The following TRPM2 variants were observed in gnomAD, a reference collection of about 807,000 sequenced individuals.
TRPM2 encodes the protein estrogen-responsive element-associated gene 1 protein.
Under a neutral mutation model 174.0 loss-of-function variants are expected in TRPM2, and 161 were observed. That is an observed-to-expected ratio of 0.93 (90% CI 0.81 to 1.05). The LOEUF (loss-of-function observed/expected upper bound fraction) is 1.05. Ranked by LOEUF, TRPM2 falls within the 50% of genes least tolerant of loss-of-function variation. TRPM2 has a pLI of 0.00. For synonymous variants in TRPM2, 954 were observed against 861.3 expected (o/e 1.11, Z -1.88); for missense variants, 2,057 against 2,038.0 (o/e 1.01, Z -0.18).
Position 44,406,630 on chromosome 21 carries a change from G to C in TRPM2, c.2827G>C (p.Val943Leu). ...DVFFFLFLLAVWVVSFGVAKQ... is the reference protein window; with the variant it reads ...DVFFFLFLLALWVVSFGVAKQ... ...CTTCTTCTTCCTCTTCCTGCTGGCT[G>C]TGTGGGTGGTGTCCTTCGGGGTGGC... The change falls in exon 19 of 32, where the codon GTG becomes CTG. Residue 943 changes from valine (V) to leucine (L), a missense_variant. Transcript: ENST00000397928. 6.2e-7 allele frequency: 1 copy of C among 1,610,910 alleles called. No individual in the cohort carries two copies. The highest frequency in any genetic ancestry group is 1.1e-5 in the South Asian group (1 of 91,018).
chr21:44,388,760 G>A (rs1207720924), intron 9 of TRPM2, among the ~76,000 whole-genome samples: 2 of 151,910 alleles, frequency 1.3e-5, no homozygotes, highest in South Asian at 2.1e-4. Flanking sequence ...CGTTGAGGCT[G>A]CAATAAGCCT....
intron 19 of TRPM2, among the ~76,000 whole-genome samples, chr21:44,408,144 A>G (rs778773867): frequency 7.9e-5 from 12 of 151,780 alleles, no homozygotes; most frequent in Non-Finnish European, 4.4e-5. Context: ...ATGGGGTTTC[A>G]CCATGTTGGA....
chr21:44,435,043 C>T (rs561934058), intron 27 of TRPM2, 88 bp from the exon 28 acceptor site: 2 of 1,358,780 alleles, frequency 1.5e-6, no homozygotes, highest in South Asian at 2.5e-5. Context: ...GCTCCTGACG[C>T]CCGCTGTCCC....
chr21:44,416,995 C>T (rs1474872322), intron 20 of TRPM2, among the ~76,000 whole-genome samples: 25 of 100,088 alleles, frequency 2.5e-4, no homozygotes, highest in Middle Eastern at 0.011. Flanking sequence ...ACAGTGTGCA[C>T]GTGGGCATGG....
At chr21:44,382,897 A>T (rs544398918) in intron 9 of TRPM2, 77 bp downstream of exon 9, 1 of 1,367,776 alleles carries the variant, frequency 7.3e-7, no homozygotes, top group Non-Finnish European at 1.0e-6. Flanking sequence ...TCTAGTCTTG[A>T]AGTGCCATGA....
Position 44,366,855 on chromosome 21 carries a change from G to C in TRPM2, c.525G>C (p.Gly175=). The C allele has an allele frequency of 1.9e-6, 3 of 1,613,756 alleles. No individual in the cohort carries two copies. The highest frequency in any genetic ancestry group is 1.3e-5 in the African/African-American group (1 of 75,004). Residue 175 remains glycine (G), a synonymous_variant, in exon 4 of 32, where the codon GGG becomes GGC. Transcript: ENST00000397928. This position sits in a 1 kb window ranked among gnomAD's most constrained non-coding sequence, Gnocchi z 6.0. ...CCAATCTCTTGATCTCGGTGACCGG[G>C]GGGGCCAAGAACTTCAACATGAAGC... is the stretch of plus-strand genomic sequence containing the variant. ...DVPNLLISVT[G]GAKNFNMKPR...
chr21:44,407,201 C>G lies in TRPM2; in HGVS notation c.2962+436C>G, dbSNP rs1330612507. On this transcript the variant is annotated intron_variant, in intron 19 of 31. Transcript: ENST00000397928. Reference sequence around the variant, plus strand: ...TTGCTCTGTCACCCAGGCTGGAGTGCAGTGGCACGTCCACCTCCTGCGCTC... The same window carrying G: ...TTGCTCTGTCACCCAGGCTGGAGTGGAGTGGCACGTCCACCTCCTGCGCTC... Among the ~76,000 whole-genome samples, 4 of 24,044 alleles carry G rather than the reference C, an allele frequency of 1.7e-4. No homozygotes were observed. The East Asian group carries it at 4.6e-3, about 28-fold the overall frequency. 15.8% of individuals were successfully genotyped at this position (24,044 alleles called of 152,430 possible).
In TRPM2 at chr21:44,354,829, G is replaced by A; in HGVS notation, c.254+93G>A. 1 of 1,112,604 alleles carries A rather than the reference G, an allele frequency of 9.0e-7. No homozygotes were observed. Among genetic ancestry groups the A allele is most frequent in the Non-Finnish European group, 1.4e-6 (1 of 726,372 alleles). 68.9% of individuals were successfully genotyped at this position (1,112,604 alleles called of 1,614,324 possible). A position where few individuals can be genotyped will look rare whatever the true frequency, so the allele number is the denominator to read the frequency against. On this transcript the variant is annotated intron_variant, in intron 2 of 31. Transcript: ENST00000397928. The surrounding 1 kb of genome is among the most constrained non-coding windows in gnomAD (Gnocchi z 4.3). The stretch of plus-strand genomic sequence containing the variant: ...CAGGCCAAGACCCCTCAGGGCCTCA[G>A]TGAAGGGTCACTGGAGATACCTCTG...
chr21:44,428,292 G>A (rs2050878821), intron 27 of TRPM2, among the ~76,000 whole-genome samples: 1 of 152,134 alleles, frequency 6.6e-6, no homozygotes, highest in African/African-American at 2.4e-5. Context: ...GTGAGGAGGG[G>A]CCTGATTTAT....
rs116870391 is a variant in TRPM2, at chr21:44,386,561, A to G, written c.1318+3741A>G. Among the ~76,000 whole-genome samples, 1,150 of 152,346 alleles carry G rather than the reference A, an allele frequency of 7.5e-3. 6 individuals are homozygous for G. Among genetic ancestry groups the G allele is most frequent in the Non-Finnish European group, 0.011 (739 of 68,040 alleles). ...AAGGGGGTGAAAGACTTGTACAATG[A>G]AAACTGTAAAACATTGCTGAAAGAA... is the stretch of plus-strand genomic sequence containing the variant. On this transcript the variant is annotated intron_variant, in intron 9 of 31. Transcript: ENST00000397928.
intron 16 of TRPM2, 46 bp downstream of exon 16, chr21:44,401,943 C>T: frequency 6.2e-7 from 1 of 1,605,694 alleles, no homozygotes; most frequent in Non-Finnish European, 8.5e-7. Flanking sequence ...GGGCCACCCA[C>T]TTGGCTGCAT....
At chr21:44,394,455 G>A (rs1025076978) in intron 11 of TRPM2, among the ~76,000 whole-genome samples, 15 of 151,866 alleles carry the variant, frequency 9.9e-5, no homozygotes, top group African/African-American at 3.6e-4. Context: ...GAGTAGCTGG[G>A]ACTACAGGTG....
Position 44,424,905 on chromosome 21 carries a change from C to T in TRPM2, c.3603C>T (p.Ser1201=), listed in dbSNP as rs775263334. 1.2e-5 allele frequency: 20 copies of T among 1,607,350 alleles called. No homozygotes were observed. The highest frequency in any genetic ancestry group is 5.0e-5 in the Admixed American group (3 of 59,554). The change falls in exon 24 of 32, where the codon AGC becomes AGT. Residue 1201 remains serine (S), a synonymous_variant. Transcript: ENST00000397928. ...LHWIVRTLRA[S]GFSSEADVPT... The stretch of plus-strand genomic sequence containing the variant: ...GGATCGTGAGGACGCTGCGGGCCAG[C>T]GGCTTCAGCTCGGAGGCGGACGTCC...
intron 2 of TRPM2, among the ~76,000 whole-genome samples, chr21:44,359,529 T>G (rs2048151962): frequency 6.6e-6 from 1 of 151,824 alleles, no homozygotes; most frequent in African/African-American, 2.4e-5. Context: ...GTTTCCTTTC[T>G]CACTGCTCAG....
chr21:44,417,812 G>T (rs1173919353), intron 20 of TRPM2, 115 bp from the exon 21 acceptor site: 21 of 1,069,006 alleles, frequency 2.0e-5, no homozygotes, highest in Non-Finnish European at 2.6e-5. Flanking sequence ...ATCACAGTGG[G>T]CATGTGGGCG....
chr21:44,384,743 T>G (rs1017910266), intron 9 of TRPM2, among the ~76,000 whole-genome samples: 5 of 152,044 alleles, frequency 3.3e-5, no homozygotes, highest in African/African-American at 1.2e-4. Flanking sequence ...CTACCAAGAC[T>G]AAATCATAAA....
chr21:44,370,604 C>T (rs766555900), intron 5 of TRPM2, among the ~76,000 whole-genome samples: 1 of 152,092 alleles, frequency 6.6e-6, no homozygotes, highest in Non-Finnish European at 1.5e-5. Context: ...ACTCCTCTGA[C>T]AGTGACACGG....
intron 15 of TRPM2, among the ~76,000 whole-genome samples, chr21:44,401,349 C>T (rs1407548922): frequency 1.3e-5 from 2 of 152,194 alleles, no homozygotes; most frequent in Admixed American, 6.5e-5. Flanking sequence ...AGCTGGGGCC[C>T]ACCCAAGGCT....
In TRPM2 at chr21:44,375,759, C is replaced by G. The variant is rs987956894; in HGVS notation, c.772-74C>G. The G allele has an allele frequency of 2.7e-6, 4 of 1,492,828 alleles. No homozygotes were observed. The East Asian group carries it at 9.6e-5, about 36-fold the overall frequency. The allele number at this position is 1,492,828 out of a possible 1,614,324, so 92.5% of individuals were successfully genotyped here. A position where few individuals can be genotyped will look rare whatever the true frequency, so the allele number is the denominator to read the frequency against. ...ACTGGGACCTGGTCTCTGTGAGGGC[C>G]GGTGTTCAGCCTGCTCGCGTTAGAG... On this transcript the variant is annotated intron_variant, in intron 5 of 31. Transcript: ENST00000397928.
Sources: allele counts gnomAD v4.1 joint callset (sites outside exome capture counted in the v4.1 genomes callset), GRCh38; gene constraint gnomAD v4.1.1; non-coding constraint Gnocchi (gnomAD v3.1); transcripts MANE v1.5; gene names NCBI Gene and HGNC (gene_info 2026-07-23, HGNC 2026-07-21).